The following GRTP1 variants were observed in gnomAD, a reference collection of about 807,000 sequenced individuals.
GRTP1 encodes growth hormone-regulated TBC protein 1.
GRTP1 carries 56 observed loss-of-function variants against 38.1 expected under a neutral mutation model. That is an observed-to-expected ratio of 1.47 (90% CI 1.19 to 1.84). The LOEUF (loss-of-function observed/expected upper bound fraction) is 1.84. Among genes scored for constraint, GRTP1 ranks in the 40% most tolerant of loss-of-function variants. The pLI, the probability that GRTP1 is intolerant of heterozygous loss-of-function variation, is 0.00. For synonymous variants in GRTP1, 217 were observed against 189.5 expected (o/e 1.14, Z -1.19); for missense variants, 506 against 453.9 (o/e 1.11, Z -1.04).
At chr13:113,363,080 G>A (rs1181451501) in intron 2 of GRTP1, among the ~76,000 whole-genome samples, 2 of 152,208 alleles carry the variant, frequency 1.3e-5, no homozygotes, top group Admixed American at 1.3e-4. Flanking sequence ...CCTCCGCACA[G>A]GGAAGCCTGG....
chr13:113,337,151 G>A (rs761224104), intron 5 of GRTP1, among the ~76,000 whole-genome samples: 3 of 151,620 alleles, frequency 2.0e-5, no homozygotes, highest in Non-Finnish European at 2.9e-5. Flanking sequence ...AAAATTAGCC[G>A]GGCATGGTGG....
In GRTP1 at chr13:113,350,217, G is replaced by A. The variant is rs377581287; in HGVS notation, c.465+632C>T. Among the ~76,000 whole-genome samples, 22 of 152,172 alleles carry A rather than the reference G, an allele frequency of 1.4e-4. No homozygotes were observed. In the East Asian group the frequency reaches 1.7e-3, roughly 12 times the overall value. ...ACGGCTCCTGGTTGCCCTGCATTCCGGCCTGTTCACTCCACTAGTTACTAA... is the reference window on the plus strand; with the variant it reads ...ACGGCTCCTGGTTGCCCTGCATTCCAGCCTGTTCACTCCACTAGTTACTAA... On this transcript the variant is annotated intron_variant, in intron 4 of 7. Coordinates refer to ENST00000375431, the MANE Select transcript of GRTP1 (RefSeq NM_024719.4).
intron 2 of GRTP1, among the ~76,000 whole-genome samples, chr13:113,356,620 G>T (rs891049415): frequency 5.9e-5 from 9 of 152,116 alleles, no homozygotes; most frequent in Non-Finnish European, 1.2e-4. Flanking sequence ...CTTTACAAAA[G>T]AAAAGAAGGC....
intron 3 of GRTP1, among the ~76,000 whole-genome samples, chr13:113,353,844 C>A (rs528679405): frequency 1.3e-5 from 2 of 152,076 alleles, no homozygotes; most frequent in Non-Finnish European, 2.9e-5. Flanking sequence ...TGAAGGAGGG[C>A]GAATCCTCAG....
intron 3 of GRTP1, among the ~76,000 whole-genome samples, chr13:113,354,515 A>G (rs1350753174): frequency 6.6e-6 from 1 of 151,794 alleles, no homozygotes. Flanking sequence ...AATCTATTCA[A>G]TTTAGGTTAA....
chr13:113,355,293 T>TGCA, intron 3 of GRTP1, 30 bp downstream of exon 3: 1 of 1,609,762 alleles, frequency 6.2e-7, no homozygotes, highest in Non-Finnish European at 8.5e-7. Context: ...CCCCGGGCCC[T>TGCA]GCACCAGAGC....
chr13:113,355,078 T>G (rs2043358029), intron 3 of GRTP1: 1 of 458,666 alleles, frequency 2.2e-6, no homozygotes, highest in African/African-American at 2.0e-5. Context: ...GGAGCGCATC[T>G]GCTCCTTCAT....
chr13:113,330,882 C>T (rs71446953), intron 5 of GRTP1, among the ~76,000 whole-genome samples: 20 of 378 alleles, frequency 0.053, 9 homozygotes, highest in East Asian at 0.17. Flanking sequence ...CAGGTGTGTG[C>T]ATGGAAACCC....
Position 113,363,858 on chromosome 13 carries a change from CG to C in GRTP1, c.84del (p.Tyr28Ter). 1 of 1,611,944 alleles carries C rather than the reference CG, an allele frequency of 6.2e-7. No individual in the cohort carries two copies. The highest frequency in any genetic ancestry group is 2.2e-5 in the East Asian group (1 of 44,660). ...ACCAGGTAGCTGGAGAAAAACTTCT[CG>C]TAGGCGGCGTCGTCGAAGTCCTCAG... Reference protein sequence around the residue: ...ERPEDFDDAAYEKFFSSYLVT... With the variant: ...ERPEDFDDAAXEKFFSSYLVT... On this transcript the variant is annotated frameshift_variant, in exon 2 of 8. Transcript: ENST00000375431. LOFTEE classifies it high-confidence loss of function.
At chr13:113,335,338 G>T (rs1410776719) in intron 5 of GRTP1, among the ~76,000 whole-genome samples, 1 of 151,314 alleles carries the variant, frequency 6.6e-6, no homozygotes, top group African/African-American at 2.4e-5. Flanking sequence ...CAGGAGAATC[G>T]CTTGAACCCA....
chr13:113,332,564 A>C (rs910527494), intron 5 of GRTP1, among the ~76,000 whole-genome samples: 4 of 152,212 alleles, frequency 2.6e-5, no homozygotes, highest in Non-Finnish European at 4.4e-5. Context: ...CCTCGACACT[A>C]GTCAACACCG....
intron 5 of GRTP1, among the ~76,000 whole-genome samples, chr13:113,332,864 C>T (rs150488984): frequency 2.0e-5 from 3 of 152,336 alleles, no homozygotes; most frequent in Non-Finnish European, 4.4e-5. Flanking sequence ...GAAGAGGCTC[C>T]CGCTGGCCAC....
chr13:113,337,575 C>T lies in GRTP1; in HGVS notation c.562+7288G>A, dbSNP rs139996073. Reference sequence around the variant, plus strand: ...TATCAAGAGGCCTCGGATTGTACAGCGTGCTTTCTGCGCAACCCTCTCACG... The same window carrying T: ...TATCAAGAGGCCTCGGATTGTACAGTGTGCTTTCTGCGCAACCCTCTCACG... On this transcript the variant is annotated intron_variant, in intron 5 of 7. Transcript: ENST00000375431. Among the ~76,000 whole-genome samples, 178 of 152,364 alleles carry T rather than the reference C, an allele frequency of 1.2e-3. 1 individual carries two copies. The highest frequency in any genetic ancestry group is 6.7e-3 in the East Asian group (35 of 5,186).
intron 2 of GRTP1, among the ~76,000 whole-genome samples, chr13:113,363,339 C>T (rs1017883477): frequency 6.6e-6 from 1 of 152,358 alleles, no homozygotes; most frequent in Admixed American, 6.5e-5. Context: ...TCCAGAGTAG[C>T]TGGGACTACA....
At chr13:113,330,061 G>A (rs961518404) in intron 5 of GRTP1, among the ~76,000 whole-genome samples, 13 of 148,856 alleles carry the variant, frequency 8.7e-5, no homozygotes, top group South Asian at 2.1e-4. Context: ...ACCCGGGTGC[G>A]TGCATGGAAA....
chr13:113,345,180 A>G (rs1454848189), intron 4 of GRTP1, among the ~76,000 whole-genome samples: 1 of 152,248 alleles, frequency 6.6e-6, no homozygotes, highest in Non-Finnish European at 1.5e-5. Context: ...AAGCAAAAGG[A>G]AACAGTTTAA....
At chr13:113,333,784 C>A (rs2042909608) in intron 5 of GRTP1, among the ~76,000 whole-genome samples, 1 of 150,724 alleles carries the variant, frequency 6.6e-6, no homozygotes. Flanking sequence ...AGCCACCACG[C>A]CCATCTCAGT....
chr13:113,346,645 C>T lies in GRTP1; in HGVS notation c.466-1686G>A, dbSNP rs1276505518. ...CCGGGAGGACCTCTGTGGCTGAGAG[C>T]GGACCTGGGAGGACCTCTGTGGCTG... On this transcript the variant is annotated intron_variant, in intron 4 of 7. Transcript: ENST00000375431. 7.3e-3 allele frequency among the ~76,000 whole-genome samples: 8 copies of T among 1,096 alleles called. 1 individual carries two copies. The highest frequency in any genetic ancestry group is 8.0e-3 in the African/African-American group (8 of 998). 0.7% of individuals were successfully genotyped at this position (1,096 alleles called of 152,430 possible). A position where few individuals can be genotyped will look rare whatever the true frequency, so the allele number is the denominator to read the frequency against.
intron 2 of GRTP1, among the ~76,000 whole-genome samples, chr13:113,357,741 T>C (rs975505176): frequency 1.3e-5 from 2 of 152,172 alleles, no homozygotes; most frequent in African/African-American, 4.8e-5. Flanking sequence ...TCTTAGTCAT[T>C]CTGTGCTATA....
Sources: gnomAD v4.1 joint callset for allele counts (sites outside exome capture counted in the v4.1 genomes callset) on GRCh38, gnomAD v4.1.1 for gene constraint, MANE v1.5 for transcripts, NCBI Gene and HGNC (gene_info 2026-07-23, HGNC 2026-07-21) for gene names.